ZPBP: variants seen among roughly 807,000 people sequenced by gnomAD.
ZPBP encodes the protein zona pellucida-binding protein 1.
Under a neutral mutation model 44.8 loss-of-function variants are expected in ZPBP, and 26 were observed. That is an observed-to-expected ratio of 0.58 (90% CI 0.43 to 0.81). The LOEUF (loss-of-function observed/expected upper bound fraction) is 0.81, where lower values mean the gene tolerates loss of function less well. Among genes scored for constraint, ZPBP ranks in the 30% least tolerant of loss-of-function variants. The probability of loss-of-function intolerance (pLI) is 0.00; values close to 1 mark genes in which losing one functional copy is unlikely to be tolerated. For missense variants in ZPBP, 409 were observed against 434.0 expected (o/e 0.94, Z 0.51); for synonymous variants, 174 against 153.2 (o/e 1.14, Z -1.00).
intron 7 of ZPBP, among the ~76,000 whole-genome samples, chr7:49,968,339 C>T (rs904483058): frequency 6.6e-6 from 1 of 151,828 alleles, no homozygotes; most frequent in Non-Finnish European, 1.5e-5. Context: ...GCAAATTTTC[C>T]AAAATTAATC....
chr7:49,961,267 G>A (rs1027681420), intron 7 of ZPBP, among the ~76,000 whole-genome samples: 1 of 152,094 alleles, frequency 6.6e-6, no homozygotes, highest in Non-Finnish European at 1.5e-5. Flanking sequence ...CCCATACAAT[G>A]GAGTACTATT....
intron 2 of ZPBP, among the ~76,000 whole-genome samples, chr7:49,877,042 C>T (rs1791440738): frequency 6.6e-6 from 1 of 152,106 alleles, no homozygotes; most frequent in African/African-American, 2.4e-5. Context: ...CGTCAGTCTC[C>T]TCCAGATTAC....
At chr7:49,980,999 G>T (rs1471891093) in intron 7 of ZPBP, among the ~76,000 whole-genome samples, 1 of 150,192 alleles carries the variant, frequency 6.7e-6, no homozygotes, top group Non-Finnish European at 1.5e-5. Context: ...ATAACTTTTT[G>T]TGTTTTGTTA....
At chr7:49,987,727 GTTGTGTGTGTGTGTGTGT>G (rs1797362040) in intron 6 of ZPBP, among the ~76,000 whole-genome samples, 1 of 93,368 alleles carries the variant, frequency 1.1e-5, no homozygotes, top group Admixed American at 1.4e-4. Flanking sequence ...TTATATATGT[GTTGTGTGTGTGTGTGTGT>G]GTGTGTGTGT....
intron 3 of ZPBP, among the ~76,000 whole-genome samples, chr7:50,060,442 G>A (rs927208277): frequency 6.6e-5 from 10 of 152,002 alleles, no homozygotes; most frequent in Non-Finnish European, 1.3e-4. Flanking sequence ...AAAAAAGAGA[G>A]GATCCAAATA....
downstream of ZPBP, among the ~76,000 whole-genome samples, chr7:49,846,791 T>C (rs182431408): frequency 3.5e-4 from 53 of 152,294 alleles, no homozygotes; most frequent in African/African-American, 1.3e-3. Flanking sequence ...ACATTTTCCC[T>C]CCTTTATACA....
chr7:49,882,964 G>A (rs1583748774), intron 2 of ZPBP, among the ~76,000 whole-genome samples: 1 of 151,806 alleles, frequency 6.6e-6, no homozygotes, highest in African/African-American at 2.4e-5. Context: ...CCTGTCAATC[G>A]CCTCCGTGTT....
intron 2 of ZPBP, among the ~76,000 whole-genome samples, chr7:49,882,902 C>T (rs1180656880): frequency 6.6e-6 from 1 of 151,348 alleles, no homozygotes; most frequent in African/African-American, 2.4e-5. Context: ...TCTGAATTTT[C>T]CTCTATCTTA....
chr7:49,892,817 A>C (rs976355687), intron 2 of ZPBP, among the ~76,000 whole-genome samples: 5 of 152,226 alleles, frequency 3.3e-5, no homozygotes, highest in African/African-American at 1.2e-4. Context: ...AATGTTCATC[A>C]GATCCTAATA....
chr7:50,018,614 T>C (rs1215426356), intron 5 of ZPBP, among the ~76,000 whole-genome samples: 1 of 152,010 alleles, frequency 6.6e-6, no homozygotes, highest in Non-Finnish European at 1.5e-5. Context: ...ATAACATACA[T>C]ATGTATATGT....
At chr7:49,851,206 G>A (rs1199406129) in intron 2 of ZPBP, among the ~76,000 whole-genome samples, 2 of 152,158 alleles carry the variant, frequency 1.3e-5, no homozygotes, top group African/African-American at 2.4e-5. Context: ...CTCTGTGCCC[G>A]TGTCTTCTCC....
chr7:49,967,861 T>C (rs757701841), intron 7 of ZPBP, among the ~76,000 whole-genome samples: 1 of 152,050 alleles, frequency 6.6e-6, no homozygotes, highest in Non-Finnish European at 1.5e-5. Flanking sequence ...TCTGGCACAG[T>C]GTGAGTATAT....
intron 1 of ZPBP, chr7:49,920,913 ATGT>A (rs1793989863): frequency 1.3e-5 from 2 of 152,190 alleles, no homozygotes; most frequent in African/African-American, 2.4e-5. Flanking sequence ...ATGTACTAAA[ATGT>A]TGTACTTATT....
chr7:50,052,324 G>T (rs1041101110), intron 4 of ZPBP, among the ~76,000 whole-genome samples: 1 of 152,118 alleles, frequency 6.6e-6, no homozygotes, highest in African/African-American at 2.4e-5. Context: ...AGGATGTACA[G>T]ATGGCAAATA....
chr7:49,928,699 T>C (rs971996684), intron 1 of ZPBP, among the ~76,000 whole-genome samples: 2 of 152,160 alleles, frequency 1.3e-5, no homozygotes, highest in African/African-American at 4.8e-5. Context: ...CGGGACCTGC[T>C]TGAGCCCAAT....
chr7:49,902,761 C>A (rs980402950), intron 1 of ZPBP, among the ~76,000 whole-genome samples: 2 of 151,916 alleles, frequency 1.3e-5, no homozygotes, highest in Admixed American at 1.3e-4. Context: ...TGCATTTGAT[C>A]GCATTGAAAT....
At chr7:49,923,077 T>C (rs977422) in intron 1 of ZPBP, among the ~76,000 whole-genome samples, 1 of 152,120 alleles carries the variant, frequency 6.6e-6, no homozygotes, top group South Asian at 2.1e-4. Context: ...ACAGATCAAA[T>C]GCAAAGAAGT....
chr7:49,910,318 T>C (rs1480183032), intron 1 of ZPBP, among the ~76,000 whole-genome samples: 1 of 152,222 alleles, frequency 6.6e-6, no homozygotes, highest in Non-Finnish European at 1.5e-5. Flanking sequence ...GCTGGATTAA[T>C]TTATTTTTTA....
intron 2 of ZPBP, among the ~76,000 whole-genome samples, chr7:49,881,075 A>AT (rs771163053): frequency 2.6e-5 from 4 of 152,048 alleles, no homozygotes; most frequent in African/African-American, 9.7e-5. Flanking sequence ...ATCTTGCCCT[A>AT]TCTTGTCCTC....
Sources: allele counts gnomAD v4.1 joint callset (sites outside exome capture counted in the v4.1 genomes callset), GRCh38; gene constraint gnomAD v4.1.1; transcripts MANE v1.5; gene names NCBI Gene and HGNC (gene_info 2026-07-23, HGNC 2026-07-21).